The following NALF1 variants were observed in gnomAD, a reference collection of about 807,000 sequenced individuals.
NALF1 encodes the protein family with sequence similarity 155 member A.
Under a neutral mutation model 48.4 loss-of-function variants are expected in NALF1, and 3 were observed. That is an observed-to-expected ratio of 0.06 (90% CI 0.03 to 0.16). The LOEUF is 0.16. Among genes scored for constraint, NALF1 ranks in the 10% least tolerant of loss-of-function variants. The probability of loss-of-function intolerance (pLI) is 1.00; values close to 1 mark genes in which losing one functional copy is unlikely to be tolerated. For missense variants in NALF1, 526 were observed against 571.5 expected (o/e 0.92, Z 0.81); for synonymous variants, 262 against 245.7 (o/e 1.07, Z -0.62).
chr13:107,223,976 CAAT>C (rs1371197334), intron 1 of NALF1, among the ~76,000 whole-genome samples: 1 of 151,790 alleles, frequency 6.6e-6, no homozygotes, highest in Non-Finnish European at 1.5e-5. Flanking sequence ...TTTTAGTATA[CAAT>C]AATGGATTAT....
chr13:107,782,059 C>T lies in NALF1; in HGVS notation c.915+83623G>A, dbSNP rs570584320. 2.4e-4 allele frequency among the ~76,000 whole-genome samples: 37 copies of T among 152,210 alleles called. 1 individual carries two copies. The East Asian group carries it at 6.4e-3, about 26-fold the overall frequency. On this transcript the variant is annotated intron_variant, in intron 1 of 2. Transcript: ENST00000375915. ...CCTCTCCCTCCTCTCCCTCTCCCCA[C>T]GGTCTCCCTCTCCCTCTCTTTCCAC...
At chr13:107,722,261 T>C (rs535514210) in intron 1 of NALF1, among the ~76,000 whole-genome samples, 13 of 152,250 alleles carry the variant, frequency 8.5e-5, no homozygotes, top group Non-Finnish European at 1.9e-4. Context: ...GTTTCTCCCT[T>C]CTTTAAGGGA....
At chr13:107,289,986 A>G (rs1881581914) in intron 1 of NALF1, among the ~76,000 whole-genome samples, 1 of 152,174 alleles carries the variant, frequency 6.6e-6, no homozygotes, top group Non-Finnish European at 1.5e-5. Flanking sequence ...CAGGAGAACA[A>G]GGGTGGCAGG....
At chr13:107,420,668 C>G (rs965221602) in intron 1 of NALF1, among the ~76,000 whole-genome samples, 37 of 152,086 alleles carry the variant, frequency 2.4e-4, no homozygotes, top group Admixed American at 2.2e-3. Context: ...TAGGAAGAAG[C>G]AATCATACAT....
chr13:107,468,215 G>A (rs1885040676), intron 1 of NALF1, among the ~76,000 whole-genome samples: 1 of 152,066 alleles, frequency 6.6e-6, no homozygotes, highest in African/African-American at 2.4e-5. Flanking sequence ...AAATTGTAGC[G>A]GTTATTGCTT....
In NALF1 at chr13:107,224,504, A is replaced by G. The variant is rs190075153; in HGVS notation, c.916-13749T>C. ...TTATATTTTCAGCCCCAAATTGGCA[A>G]TTGGTAAAAAAGGTAAAAAATTGGT... On this transcript the variant is annotated intron_variant, in intron 1 of 2. Transcript: ENST00000375915. 6.5e-3 allele frequency among the ~76,000 whole-genome samples: 980 copies of G among 150,688 alleles called. 6 individuals are homozygous for G. The highest frequency in any genetic ancestry group is 0.023 in the African/African-American group (944 of 41,326).
intron 1 of NALF1, among the ~76,000 whole-genome samples, chr13:107,476,914 T>C (rs914641878): frequency 6.6e-6 from 1 of 152,032 alleles, no homozygotes; most frequent in Non-Finnish European, 1.5e-5. Context: ...GGAAAGTAAG[T>C]AGAGAATTAA....
intron 1 of NALF1, among the ~76,000 whole-genome samples, chr13:107,292,865 T>C (rs1881649917): frequency 6.6e-6 from 1 of 152,244 alleles, no homozygotes. Context: ...TGACAGACAG[T>C]GCAGTAGGTT....
At chr13:107,481,339 T>C (rs1885251092) in intron 1 of NALF1, among the ~76,000 whole-genome samples, 2 of 152,186 alleles carry the variant, frequency 1.3e-5, no homozygotes, top group Admixed American at 1.3e-4. Context: ...TGAAACAGTT[T>C]GCTAACGATA....
At chr13:107,742,798 TACTC>T in intron 1 of NALF1, among the ~76,000 whole-genome samples, 1 of 152,280 alleles carries the variant, frequency 6.6e-6, no homozygotes, top group Admixed American at 6.5e-5. Flanking sequence ...TCATGGGTTA[TACTC>T]ACAACCCCCA....
chr13:107,846,812 T>TAG (rs1385447844), intron 1 of NALF1, among the ~76,000 whole-genome samples: 2 of 152,158 alleles, frequency 1.3e-5, no homozygotes. Flanking sequence ...GATTTAGCCT[T>TAG]ATGGGCAGCA....
chr13:107,254,000 T>A (rs1263621894), intron 1 of NALF1, among the ~76,000 whole-genome samples: 2 of 151,612 alleles, frequency 1.3e-5, no homozygotes, highest in Middle Eastern at 3.2e-3. Flanking sequence ...TTGGTCGCCA[T>A]GACACCCCCA....
intron 1 of NALF1, among the ~76,000 whole-genome samples, chr13:107,335,826 A>T (rs978513637): frequency 8.5e-5 from 13 of 152,252 alleles, no homozygotes; most frequent in African/African-American, 3.1e-4. Context: ...CTTTACCGTA[A>T]GTGGGATATT....
At chr13:107,171,789 G>A (rs1878810871) in intron 2 of NALF1, among the ~76,000 whole-genome samples, 1 of 152,080 alleles carries the variant, frequency 6.6e-6, no homozygotes, top group South Asian at 2.1e-4. Flanking sequence ...ATCCATGGGT[G>A]TTAGAATGAA....
intron 1 of NALF1, among the ~76,000 whole-genome samples, chr13:107,289,051 A>G (rs561468760): frequency 4.6e-5 from 7 of 152,330 alleles, no homozygotes; most frequent in Non-Finnish European, 8.8e-5. Flanking sequence ...ACAGTGTTTC[A>G]TTAGCTGTTC....
chr13:107,474,177 T>C (rs868738659), intron 1 of NALF1, among the ~76,000 whole-genome samples: 3 of 152,182 alleles, frequency 2.0e-5, no homozygotes. Flanking sequence ...ACAACAGGCA[T>C]ATAAGTTATT....
chr13:107,272,109 T>C (rs61965522), intron 1 of NALF1, among the ~76,000 whole-genome samples: 4,726 of 151,766 alleles, frequency 0.031, 108 homozygotes, highest in Non-Finnish European at 0.049. Context: ...TATTTGTACA[T>C]GTATATAATA....
chr13:107,713,085 C>G lies in NALF1; in HGVS notation c.915+152597G>C, dbSNP rs146125584. Among the ~76,000 whole-genome samples the G allele has an allele frequency of 4.3e-3, 655 of 152,304 alleles. 3 individuals are homozygous for G. The highest frequency in any genetic ancestry group is 6.8e-3 in the Middle Eastern group (2 of 294). ...CAGAGAACGCCTTCCTGACCCACATCCACAGGTCAGAACCACGTCCACACA... is the reference window on the plus strand; with the variant it reads ...CAGAGAACGCCTTCCTGACCCACATGCACAGGTCAGAACCACGTCCACACA... On this transcript the variant is annotated intron_variant, in intron 1 of 2. Transcript: ENST00000375915.
intron 1 of NALF1, among the ~76,000 whole-genome samples, chr13:107,235,869 T>C (rs774752989): frequency 6.6e-6 from 1 of 152,200 alleles, no homozygotes; most frequent in African/African-American, 2.4e-5. Flanking sequence ...CATTAGTGTT[T>C]AGTGTGGGTT....
Sources: allele counts gnomAD v4.1 joint callset (sites outside exome capture counted in the v4.1 genomes callset), GRCh38; gene constraint gnomAD v4.1.1; transcripts MANE v1.5; gene names NCBI Gene and HGNC (gene_info 2026-07-23, HGNC 2026-07-21).